PDE10A: variants seen among roughly 807,000 people sequenced by gnomAD.
The protein encoded by PDE10A is phosphodiesterase 10A, also known as cAMP and cAMP-inhibited cGMP 3',5'-cyclic phosphodiesterase 10A.
Under a neutral mutation model 97.7 loss-of-function variants are expected in PDE10A, and 39 were observed. The ratio of observed to expected loss-of-function variants is 0.40; its 90% confidence interval spans 0.31 to 0.52. PDE10A has a LOEUF of 0.52. Among genes scored for constraint, PDE10A ranks in the 20% least tolerant of loss-of-function variants. The pLI, the probability that PDE10A is intolerant of heterozygous loss-of-function variation, is 0.56. For synonymous variants in PDE10A, 371 were observed against 376.8 expected (o/e 0.98, Z 0.18); for missense variants, 731 against 1,047.8 (o/e 0.70, Z 4.17).
intron 1 of PDE10A, among the ~76,000 whole-genome samples, chr6:165,851,878 G>T (rs1020910744): frequency 6.6e-6 from 1 of 151,930 alleles, no homozygotes; most frequent in East Asian, 1.9e-4. Context: ...ATTGCTTCAG[G>T]CCAAGAGTTC....
chr6:165,381,416 T>G (rs1784914886), intron 17 of PDE10A, among the ~76,000 whole-genome samples: 1 of 152,202 alleles, frequency 6.6e-6, no homozygotes, highest in South Asian at 2.1e-4. Context: ...ACTCATTTAC[T>G]GTCCCCTTCA....
At chr6:165,758,511 A>AAGAAGAAAGAAGAC (rs1554317293) in intron 1 of PDE10A, among the ~76,000 whole-genome samples, 6,123 of 32,862 alleles carry the variant, frequency 0.19, 227 homozygotes, top group South Asian at 0.47. Context: ...AGAAAGAAGA[A>AAGAAGAAAGAAGAC]AGAAGAAGAA....
At chr6:165,966,527 AAAC>A (rs1447712004) in intron 1 of PDE10A, among the ~76,000 whole-genome samples, 1 of 152,252 alleles carries the variant, frequency 6.6e-6, no homozygotes, top group African/African-American at 2.4e-5. Flanking sequence ...GATGCTTAAA[AAAC>A]AACTGGGTGG....
chr6:165,962,314 G>A (rs1313434931), intron 1 of PDE10A, among the ~76,000 whole-genome samples: 1 of 152,264 alleles, frequency 6.6e-6, no homozygotes. Context: ...TTGGTGACCA[G>A]TGGGTGGGAA....
intron 1 of PDE10A, among the ~76,000 whole-genome samples, chr6:165,803,112 C>T (rs1779025646): frequency 6.6e-6 from 1 of 152,172 alleles, no homozygotes; most frequent in Non-Finnish European, 1.5e-5. Flanking sequence ...CAATTCCATC[C>T]TTTGAAACGA....
At chr6:165,913,475 A>G (rs1300455516) in intron 1 of PDE10A, among the ~76,000 whole-genome samples, 4 of 152,232 alleles carry the variant, frequency 2.6e-5, no homozygotes, top group Non-Finnish European at 5.9e-5. Flanking sequence ...TATCTAACAC[A>G]ATGTAAATGC....
At chr6:165,423,546 A>T (rs181441369) in intron 10 of PDE10A, among the ~76,000 whole-genome samples, 1 of 152,302 alleles carries the variant, frequency 6.6e-6, no homozygotes, top group Admixed American at 6.5e-5. Context: ...ACTGACCTAG[A>T]TGAACTGATC....
chr6:165,666,536 G>T (rs966931263), upstream of PDE10A, among the ~76,000 whole-genome samples: 9 of 151,940 alleles, frequency 5.9e-5, no homozygotes, highest in African/African-American at 2.2e-4. Flanking sequence ...TGTCATTCAG[G>T]TGTGATGTGT....
intron 11 of PDE10A, 113 bp from the exon 12 acceptor site, chr6:165,416,394 C>T (rs184289329): frequency 1.9e-4 from 137 of 728,850 alleles, no homozygotes; most frequent in African/African-American, 1.3e-3. Context: ...TACTTAAATG[C>T]GTGTATTACT....
intron 1 of PDE10A, among the ~76,000 whole-genome samples, chr6:165,654,934 C>T (rs1474378305): frequency 2.0e-5 from 3 of 152,190 alleles, no homozygotes; most frequent in Non-Finnish European, 4.4e-5. Flanking sequence ...CATGGCTCTG[C>T]CTTCTTCTGT....
intron 1 of PDE10A, among the ~76,000 whole-genome samples, chr6:165,854,330 G>A (rs1780653767): frequency 6.6e-6 from 1 of 152,152 alleles, no homozygotes; most frequent in Non-Finnish European, 1.5e-5. Flanking sequence ...CTGGCACAGG[G>A]ACCCAGGGAC....
rs562380265 is a variant in PDE10A, at chr6:165,655,506, A to G, written c.865+6441T>C. On this transcript the variant is annotated intron_variant, in intron 1 of 21. Transcript: ENST00000539869. This position sits in a 1 kb window ranked among gnomAD's most constrained non-coding sequence, Gnocchi z 4.5. ...CTCTCCCTTGACGTCCCCATATCCA[A>G]CCCACCTGCAGGTCTTATACACGCC... Among the ~76,000 whole-genome samples, 17 of 130,060 alleles carry G rather than the reference A, an allele frequency of 1.3e-4. No homozygotes were observed. The highest frequency in any genetic ancestry group is 2.2e-4 in the Non-Finnish European group (14 of 62,322). The allele number at this position is 130,060 out of a possible 152,430, so 85.3% of individuals were successfully genotyped here.
At chr6:165,966,150 G>T (rs77718884) in intron 1 of PDE10A, among the ~76,000 whole-genome samples, 119 of 152,298 alleles carry the variant, frequency 7.8e-4, no homozygotes, top group African/African-American at 2.7e-3. Context: ...AAAACCAAGT[G>T]GTTGAGGAAA....
chr6:165,634,634 C>CA (rs1427420451), intron 1 of PDE10A, among the ~76,000 whole-genome samples: 2 of 152,194 alleles, frequency 1.3e-5, no homozygotes, highest in Admixed American at 1.3e-4. Context: ...GGAGATAACA[C>CA]AAAACACACG....
At chr6:165,889,540 T>C (rs1459388109) in intron 1 of PDE10A, among the ~76,000 whole-genome samples, 1 of 152,166 alleles carries the variant, frequency 6.6e-6, no homozygotes, top group Non-Finnish European at 1.5e-5. Flanking sequence ...CTGATGGAGT[T>C]GCCGTCATTG....
intron 1 of PDE10A, among the ~76,000 whole-genome samples, chr6:165,958,557 GAAAGAAAGACAGACA>G (rs1784232751): frequency 1.5e-4 from 3 of 19,670 alleles, no homozygotes; most frequent in African/African-American, 6.0e-4. Flanking sequence ...AAGAAAGAAA[GAAAGAAAGACAGACA>G]GAAAGAAAGA....
intron 1 of PDE10A, among the ~76,000 whole-genome samples, chr6:165,715,570 G>GGAGAGGT (rs1562700637): frequency 6.6e-6 from 1 of 152,172 alleles, no homozygotes; most frequent in African/African-American, 2.4e-5. Context: ...GAAGGAGGAG[G>GGAGAGGT]GAGAGGTGAA....
chr6:165,865,589 T>C (rs1781019876), intron 1 of PDE10A, among the ~76,000 whole-genome samples: 1 of 151,998 alleles, frequency 6.6e-6, no homozygotes, highest in African/African-American at 2.4e-5. Flanking sequence ...GATAGACAGA[T>C]AGCATAAAAG....
intron 1 of PDE10A, among the ~76,000 whole-genome samples, chr6:165,578,485 A>G (rs1026230896): frequency 7.2e-5 from 11 of 152,190 alleles, no homozygotes; most frequent in African/African-American, 2.7e-4. Context: ...AAAAAATTTG[A>G]TTAGTTCCTC....
Sources: allele counts gnomAD v4.1 joint callset (sites outside exome capture counted in the v4.1 genomes callset), GRCh38; gene constraint gnomAD v4.1.1; non-coding constraint Gnocchi (gnomAD v3.1); transcripts MANE v1.5; gene names NCBI Gene and HGNC (gene_info 2026-07-23, HGNC 2026-07-21).